Variants in CCDC141 observed in about 807,000 individuals in gnomAD.
CCDC141 encodes coiled-coil domain-containing protein 141.
In CCDC141, 168 loss-of-function variants were observed where a neutral mutation model predicts 181.0. The ratio of observed to expected loss-of-function variants is 0.93; its 90% CI spans 0.82 to 1.05. CCDC141 has a LOEUF of 1.05. Among genes scored for constraint, CCDC141 ranks in the 50% least tolerant of loss-of-function variants. The probability of loss-of-function intolerance (pLI) is 0.00; values close to 1 mark genes in which losing one functional copy is unlikely to be tolerated. For synonymous variants in CCDC141, 666 were observed against 642.3 expected, an observed-to-expected ratio of 1.04 and a Z score of -0.56; for missense variants, 1,902 against 1,788.5, an observed-to-expected ratio of 1.06 and a Z score of -1.14.
chr2:178,955,735 A>G (rs946355279), intron 5 of CCDC141, among the ~76,000 whole-genome samples: 5 of 152,186 alleles, frequency 3.3e-5, no homozygotes, highest in African/African-American at 1.2e-4. Flanking sequence ...TCTAGTAGCA[A>G]TCTGCTTGGA....
intron 8 of CCDC141, among the ~76,000 whole-genome samples, chr2:178,895,737 A>G (rs1225682081): frequency 6.6e-6 from 1 of 152,200 alleles, no homozygotes; most frequent in African/African-American, 2.4e-5. Context: ...AAATTTCACT[A>G]TCTGACATTT....
chr2:178,912,999 T>C (rs979212022), intron 7 of CCDC141, among the ~76,000 whole-genome samples: 2 of 152,224 alleles, frequency 1.3e-5, no homozygotes, highest in African/African-American at 4.8e-5. Context: ...TGTGTTCTAA[T>C]GCTTTGGGCT....
chr2:178,956,348 A>G (rs1262925014), intron 5 of CCDC141, among the ~76,000 whole-genome samples: 4 of 152,184 alleles, frequency 2.6e-5, no homozygotes, highest in Non-Finnish European at 5.9e-5. Flanking sequence ...CCAGACTGAA[A>G]TGCAATGGTG....
chr2:178,975,148 G>A lies in CCDC141; in HGVS notation c.435C>T (p.Asp145=). Residue 145 remains aspartate (D), a synonymous_variant, in exon 4 of 24, where the codon GAC becomes GAT. Transcript: ENST00000443758. The stretch of plus-strand genomic sequence containing the variant: ...TATTCTGGAGGAAATCTTCAGCTTG[G>A]TCTATTTTAATAGCAAACTACAATA... ...ENALEFAIKI[D]QAEDFLQNTH... is the part of the protein sequence containing the mutation. 1 of 1,503,902 alleles carries A rather than the reference G, an allele frequency of 6.6e-7. No individual in the cohort carries two copies. The highest frequency in any genetic ancestry group is 2.5e-5 in the East Asian group (1 of 40,152). 93.2% of individuals were successfully genotyped at this position (1,503,902 alleles called of 1,614,324 possible). A position where few individuals can be genotyped will look rare whatever the true frequency, so the allele number is the denominator to read the frequency against.
intron 2 of CCDC141, among the ~76,000 whole-genome samples, chr2:179,029,663 A>G: frequency 6.6e-6 from 1 of 152,172 alleles, no homozygotes; most frequent in East Asian, 1.9e-4. Context: ...TTACAACAAA[A>G]TCCTATTTGC....
At chr2:178,969,179 A>T (rs999849379) in intron 4 of CCDC141, among the ~76,000 whole-genome samples, 1 of 150,810 alleles carries the variant, frequency 6.6e-6, no homozygotes, top group African/African-American at 2.4e-5. Flanking sequence ...AGGTACAAAG[A>T]GGAGCTGGTA....
chr2:178,978,441 T>C, intron 3 of CCDC141, 43 bp downstream of exon 3: 1 of 1,241,848 alleles, frequency 8.1e-7, no homozygotes, highest in Non-Finnish European at 1.0e-6. Flanking sequence ...TGCTATTCAT[T>C]TGCTCTGATG....
At chr2:178,909,815 A>C (rs930808464) in intron 7 of CCDC141, among the ~76,000 whole-genome samples, 1 of 152,190 alleles carries the variant, frequency 6.6e-6, no homozygotes, top group African/African-American at 2.4e-5. Flanking sequence ...CCCCCATGTA[A>C]ACTCCTTTGG....
intron 2 of CCDC141, among the ~76,000 whole-genome samples, chr2:179,036,862 T>C (rs543013464): frequency 6.8e-4 from 103 of 152,358 alleles, no homozygotes; most frequent in African/African-American, 2.4e-3. Flanking sequence ...TGCCAATTGA[T>C]CTCACTCCTT....
intron 9 of CCDC141, 68 bp from the exon 10 acceptor site, chr2:178,886,939 A>T (rs923965843): frequency 1.4e-5 from 13 of 899,022 alleles, no homozygotes; most frequent in Non-Finnish European, 2.0e-5. Flanking sequence ...CACATGTGTC[A>T]GGAAGATAAA....
chr2:178,953,436 CAA>C (rs34278844), intron 5 of CCDC141, among the ~76,000 whole-genome samples: 16 of 130,024 alleles, frequency 1.2e-4, no homozygotes, highest in Non-Finnish European at 1.1e-4. Context: ...GACTCCCTCT[CAA>C]AAAAAAAAAA....
At chr2:178,945,064 A>G (rs1689673193) in intron 5 of CCDC141, among the ~76,000 whole-genome samples, 1 of 152,178 alleles carries the variant, frequency 6.6e-6, no homozygotes, top group African/African-American at 2.4e-5. Context: ...GTAGAATTAT[A>G]TTTTCTGCCA....
In CCDC141 at chr2:178,830,655, A is replaced by G. The variant is rs181365587; in HGVS notation, c.*3518T>C. On this transcript the variant is annotated 3_prime_UTR_variant, in exon 24 of 24. Transcript: ENST00000443758. ...CTTACAGCCTAGCCAGAGGAGACTG[A>G]TGCTCAAACCTGCGATTCCTTTGTG... 11 of 152,412 alleles carry G rather than the reference A, an allele frequency of 7.2e-5. No individual in the cohort carries two copies. The highest frequency in any genetic ancestry group is 2.6e-4 in the African/African-American group (11 of 41,558). 9.4% of individuals were successfully genotyped at this position (152,412 alleles called of 1,614,324 possible).
intron 17 of CCDC141, among the ~76,000 whole-genome samples, chr2:178,857,564 A>G (rs947977393): frequency 6.6e-5 from 10 of 152,352 alleles, no homozygotes; most frequent in Admixed American, 6.5e-4. Context: ...ATTTCTAAGC[A>G]GTGCAGTTCC....
chr2:178,942,521 G>A (rs1333569733), intron 6 of CCDC141, among the ~76,000 whole-genome samples: 1 of 152,192 alleles, frequency 6.6e-6, no homozygotes, highest in Non-Finnish European at 1.5e-5. Context: ...AACAGGCAGA[G>A]CGCAGAGGAG....
intron 2 of CCDC141, among the ~76,000 whole-genome samples, chr2:179,007,932 T>C (rs1298604909): frequency 6.6e-6 from 1 of 152,210 alleles, no homozygotes; most frequent in Non-Finnish European, 1.5e-5. Flanking sequence ...GTGATGTTAA[T>C]TGATTCAGAA....
intron 2 of CCDC141, among the ~76,000 whole-genome samples, chr2:179,015,349 TC>T (rs1039743501): frequency 1.1e-4 from 16 of 141,774 alleles, no homozygotes; most frequent in Non-Finnish European, 2.4e-4. Flanking sequence ...CATATATGTA[TC>T]ATACATATCC....
chr2:178,939,666 A>G (rs574412138), intron 6 of CCDC141, among the ~76,000 whole-genome samples: 2 of 152,224 alleles, frequency 1.3e-5, no homozygotes, highest in South Asian at 2.1e-4. Context: ...TGGGTAGAAT[A>G]CCACCCAGAG....
intron 6 of CCDC141, among the ~76,000 whole-genome samples, chr2:178,928,989 C>T (rs1164528178): frequency 6.6e-6 from 1 of 152,090 alleles, no homozygotes; most frequent in Non-Finnish European, 1.5e-5. Flanking sequence ...ATGACATCTG[C>T]TTTTACCTGG....
Sources: gnomAD v4.1 joint callset for allele counts (sites outside exome capture counted in the v4.1 genomes callset) on GRCh38, gnomAD v4.1.1 for gene constraint, MANE v1.5 for transcripts, NCBI Gene and HGNC (gene_info 2026-07-23, HGNC 2026-07-21) for gene names.